EML4: variants seen among roughly 807,000 people sequenced by gnomAD.
EML4 encodes the protein echinoderm microtubule-associated protein-like 4.
In EML4, 72 loss-of-function variants were observed where a neutral mutation model predicts 129.0. That is an observed-to-expected ratio of 0.56 (90% CI 0.46 to 0.68). The LOEUF (loss-of-function observed/expected upper bound fraction) is 0.68, where lower values mean the gene tolerates loss of function less well. EML4 is among the 30% of genes least tolerant of loss of function. The probability of loss-of-function intolerance (pLI) is 0.00; values close to 1 mark genes in which losing one functional copy is unlikely to be tolerated. For missense variants in EML4, 1,363 were observed against 1,190.6 expected (o/e 1.14, Z -2.13); for synonymous variants, 532 against 405.0 (o/e 1.31, Z -3.77).
chr2:42,265,579 C>G (rs182019550), intron 6 of EML4, among the ~76,000 whole-genome samples: 3 of 152,214 alleles, frequency 2.0e-5, no homozygotes, highest in Non-Finnish European at 2.9e-5. Flanking sequence ...TCTAAGAAAT[C>G]TGAAGATTCA....
At position 42,329,968 on chromosome 2, in the gene EML4, T is replaced by G. The variant is rs1275359794; in HGVS notation, c.2707T>G (p.Ser903Ala). 6.2e-7 allele frequency: 1 copy of G among 1,613,716 alleles called. No homozygotes were observed. The highest frequency in any genetic ancestry group is 1.3e-5 in the African/African-American group (1 of 74,780). ...IQSNTPTPPP[S>A]QPLNETAEEE... ...ATCTAATACTCCCACACCGCCTCCT[T>G]CTCAGCCCTTAAATGAGACAGCTGA... Residue 903 changes from serine (S) to alanine (A), a missense_variant, in exon 23 of 23, where the codon TCT (serine) becomes GCT (alanine). Coordinates refer to ENST00000318522, the MANE Select transcript of EML4 (RefSeq NM_019063.5).
chr2:42,194,919 A>G (rs1671813682), intron 1 of EML4, among the ~76,000 whole-genome samples: 1 of 152,188 alleles, frequency 6.6e-6, no homozygotes, highest in African/African-American at 2.4e-5. Context: ...GATAAGAGTT[A>G]AAAGTTAATT....
At chr2:42,212,543 T>G (rs910492957) in intron 1 of EML4, among the ~76,000 whole-genome samples, 2 of 152,218 alleles carry the variant, frequency 1.3e-5, no homozygotes, top group Non-Finnish European at 2.9e-5. Context: ...TTGAGACCAT[T>G]TAAAAAACCT....
At chr2:42,268,038 T>C (rs1037358676) in intron 6 of EML4, among the ~76,000 whole-genome samples, 3 of 152,172 alleles carry the variant, frequency 2.0e-5, no homozygotes, top group South Asian at 2.1e-4. Context: ...TTGTGGAAAA[T>C]AGATAACAAT....
chr2:42,241,011 G>A (rs1041714656), intron 1 of EML4, among the ~76,000 whole-genome samples: 3 of 152,098 alleles, frequency 2.0e-5, no homozygotes, highest in African/African-American at 4.8e-5. Flanking sequence ...GGGTGTGGTG[G>A]CATGCGCCTC....
chr2:42,181,680 C>A (rs990929436), intron 1 of EML4, among the ~76,000 whole-genome samples: 1 of 152,074 alleles, frequency 6.6e-6, no homozygotes, highest in African/African-American at 2.4e-5. Flanking sequence ...AGTAGATACC[C>A]CTCTAAACTG....
intron 3 of EML4, among the ~76,000 whole-genome samples, chr2:42,259,675 A>C (rs2104374341): frequency 6.7e-6 from 1 of 150,354 alleles, no homozygotes; most frequent in Admixed American, 6.6e-5. Context: ...CTGGCAGAAG[A>C]GTATGTTAGA....
At chr2:42,190,811 G>A (rs1241582812) in intron 1 of EML4, among the ~76,000 whole-genome samples, 1 of 152,220 alleles carries the variant, frequency 6.6e-6, no homozygotes, top group East Asian at 1.9e-4. Context: ...GCCTGCTTGT[G>A]TTCCAGTGAA....
At chr2:42,316,441 G>A (rs1177895106) in intron 18 of EML4, among the ~76,000 whole-genome samples, 1 of 152,174 alleles carries the variant, frequency 6.6e-6, no homozygotes, top group African/African-American at 2.4e-5. Flanking sequence ...TTCAAAATAC[G>A]CAAATTGTAT....
chr2:42,204,804 T>A (rs969589440), intron 1 of EML4, among the ~76,000 whole-genome samples: 1 of 152,184 alleles, frequency 6.6e-6, no homozygotes, highest in Non-Finnish European at 1.5e-5. Flanking sequence ...AATGAGAAAC[T>A]GTTACAGCTA....
At chr2:42,280,784 T>G in intron 6 of EML4, 66 bp from the exon 7 acceptor site, 1 of 1,257,414 alleles carries the variant, frequency 8.0e-7, no homozygotes, top group Non-Finnish European at 1.1e-6. Context: ...ATCACGTTAA[T>G]AATCCACTTT....
At chr2:42,205,973 T>C (rs1253695066) in intron 1 of EML4, among the ~76,000 whole-genome samples, 5 of 152,294 alleles carry the variant, frequency 3.3e-5, no homozygotes, top group Non-Finnish European at 7.4e-5. Flanking sequence ...TTTCTTTCCC[T>C]AGGACCACTC....
At chr2:42,293,986 A>T (rs1667806425) in intron 11 of EML4, among the ~76,000 whole-genome samples, 1 of 152,208 alleles carries the variant, frequency 6.6e-6, no homozygotes, top group Admixed American at 6.5e-5. Context: ...ATTAATGATC[A>T]CCCTGTAAAT....
chr2:42,213,924 G>T (rs1195147369), intron 1 of EML4, among the ~76,000 whole-genome samples: 1 of 152,170 alleles, frequency 6.6e-6, no homozygotes, highest in Non-Finnish European at 1.5e-5. Flanking sequence ...TAAGCTGAAT[G>T]TATAGGATTT....
At position 42,297,658 on chromosome 2, in the gene EML4, C is replaced by G. The variant is rs189147068; in HGVS notation, c.1489+2142C>G. Among the ~76,000 whole-genome samples, 32 of 152,208 alleles carry G rather than the reference C, an allele frequency of 2.1e-4. 1 individual carries two copies. Among genetic ancestry groups the G allele is most frequent in the Admixed American group, 8.5e-4 (13 of 15,252 alleles). ...AGACCAGAGTAAGTGTCCACAGTTT[C>G]CATTTTTTAATTCTGGCCCCCAGAT... On this transcript the variant is annotated intron_variant, in intron 13 of 22. Transcript: ENST00000318522.
intron 13 of EML4, among the ~76,000 whole-genome samples, chr2:42,295,903 G>A (rs1158233360): frequency 6.6e-6 from 1 of 152,168 alleles, no homozygotes; most frequent in African/African-American, 2.4e-5. Flanking sequence ...TAAACTCATA[G>A]TTCAATCCAC....
chr2:42,251,889 G>A (rs1418291952), intron 2 of EML4, among the ~76,000 whole-genome samples: 1 of 152,010 alleles, frequency 6.6e-6, no homozygotes, highest in Non-Finnish European at 1.5e-5. Context: ...TATATTTGTT[G>A]CTCCCACTAG....
At chr2:42,225,623 A>G (rs72980819) in intron 1 of EML4, among the ~76,000 whole-genome samples, 8,778 of 152,132 alleles carry the variant, frequency 0.058, 815 homozygotes, top group African/African-American at 0.2. Flanking sequence ...CTTTATTTAC[A>G]TTTTTTATCC....
At chr2:42,229,418 C>T (rs547315082) in intron 1 of EML4, among the ~76,000 whole-genome samples, 5 of 152,094 alleles carry the variant, frequency 3.3e-5, no homozygotes, top group African/African-American at 9.6e-5. Flanking sequence ...TCTTAAGCAC[C>T]ATATGCATAT....
Sources: allele counts gnomAD v4.1 joint callset (sites outside exome capture counted in the v4.1 genomes callset), GRCh38; gene constraint gnomAD v4.1.1; transcripts MANE v1.5; gene names NCBI Gene and HGNC (gene_info 2026-07-23, HGNC 2026-07-21).